The following EEPD1 variants were observed in gnomAD, a reference collection of about 807,000 sequenced individuals.
The protein encoded by EEPD1 is endonuclease/exonuclease/phosphatase family domain-containing protein 1.
EEPD1 carries 17 observed loss-of-function variants against 46.3 expected under a neutral mutation model. The ratio of observed to expected loss-of-function variants is 0.37; its 90% CI spans 0.25 to 0.55. The LOEUF (loss-of-function observed/expected upper bound fraction) is 0.55. Ranked by LOEUF, EEPD1 falls within the 20% of genes least tolerant of loss-of-function variation. The pLI, the probability that EEPD1 is intolerant of heterozygous loss-of-function variation, is 0.83. For synonymous variants in EEPD1, 313 were observed against 315.6 expected, an observed-to-expected ratio of 0.99 and a Z score of 0.09; for missense variants, 673 against 745.6, an observed-to-expected ratio of 0.90 and a Z score of 1.13.
At chr7:36,239,269 T>C (rs573657374) in intron 3 of EEPD1, among the ~76,000 whole-genome samples, 1 of 152,204 alleles carries the variant, frequency 6.6e-6, no homozygotes, top group Admixed American at 6.5e-5. Context: ...GTGTGCAGGT[T>C]GTGTGAAAGG....
intron 2 of EEPD1, among the ~76,000 whole-genome samples, chr7:36,164,827 T>A (rs182835037): frequency 8.9e-4 from 136 of 152,336 alleles, no homozygotes; most frequent in African/African-American, 3.2e-3. Flanking sequence ...ATAATGTGTG[T>A]GTGTCTTAGT....
At chr7:36,203,579 G>C (rs775546251) in intron 2 of EEPD1, among the ~76,000 whole-genome samples, 10 of 152,186 alleles carry the variant, frequency 6.6e-5, no homozygotes, top group African/African-American at 1.9e-4. Flanking sequence ...ATTTTTAAAG[G>C]CTGCCTTGTG....
chr7:36,265,736 G>A (rs577225881), intron 3 of EEPD1, among the ~76,000 whole-genome samples: 1 of 152,096 alleles, frequency 6.6e-6, no homozygotes, highest in Non-Finnish European at 1.5e-5. Flanking sequence ...TCTCTCTCCT[G>A]TGTCTGTCTA....
chr7:36,293,916 A>T (rs1257358459), intron 6 of EEPD1, among the ~76,000 whole-genome samples: 1 of 152,086 alleles, frequency 6.6e-6, no homozygotes, highest in South Asian at 2.1e-4. Flanking sequence ...GTGAGCCGAG[A>T]TCGTGCCACT....
intron 2 of EEPD1, among the ~76,000 whole-genome samples, chr7:36,156,453 A>C (rs988319688): frequency 6.6e-6 from 1 of 152,134 alleles, no homozygotes; most frequent in Non-Finnish European, 1.5e-5. Flanking sequence ...TGCACAGGTG[A>C]GAGCTGTACT....
chr7:36,252,407 C>A (rs1372903991), intron 3 of EEPD1, among the ~76,000 whole-genome samples: 1 of 152,128 alleles, frequency 6.6e-6, no homozygotes, highest in Non-Finnish European at 1.5e-5. Flanking sequence ...GCTGGCCTGT[C>A]ATGGTGGCTT....
intron 3 of EEPD1, among the ~76,000 whole-genome samples, chr7:36,241,069 T>C (rs781090349): frequency 6.6e-6 from 1 of 152,216 alleles, no homozygotes; most frequent in African/African-American, 2.4e-5. Context: ...TCCTTCTGTG[T>C]AAAGGGGTAT....
At chr7:36,242,734 C>T (rs1402528359) in intron 3 of EEPD1, among the ~76,000 whole-genome samples, 3 of 146,532 alleles carry the variant, frequency 2.0e-5, no homozygotes, top group African/African-American at 7.6e-5. Flanking sequence ...ACCAGTCTGA[C>T]CAACATGGCG....
intron 2 of EEPD1, among the ~76,000 whole-genome samples, chr7:36,159,198 C>T (rs1379275698): frequency 2.0e-5 from 3 of 152,216 alleles, no homozygotes; most frequent in African/African-American, 7.2e-5. Context: ...AAGCTAATTT[C>T]AGGGATCAGC....
At chr7:36,213,560 G>A (rs1785974551) in intron 2 of EEPD1, among the ~76,000 whole-genome samples, 2 of 152,166 alleles carry the variant, frequency 1.3e-5, no homozygotes, top group East Asian at 3.8e-4. Flanking sequence ...GCCCAGGAGT[G>A]GCATAGAGGA....
intron 2 of EEPD1, among the ~76,000 whole-genome samples, chr7:36,179,477 T>C (rs1785236155): frequency 6.6e-6 from 1 of 151,902 alleles, no homozygotes; most frequent in Non-Finnish European, 1.5e-5. Context: ...TCCCAGCACT[T>C]TGGGAGGCAA....
intron 7 of EEPD1, among the ~76,000 whole-genome samples, chr7:36,298,333 AG>A (rs1787557975): frequency 1.3e-5 from 2 of 152,204 alleles, no homozygotes; most frequent in South Asian, 4.1e-4. Context: ...TGCTGAGCTC[AG>A]GGAGGAGTTG....
At chr7:36,210,731 C>T (rs529879934) in intron 2 of EEPD1, among the ~76,000 whole-genome samples, 39 of 152,298 alleles carry the variant, frequency 2.6e-4, no homozygotes, top group Non-Finnish European at 4.6e-4. Context: ...CTGCTGCCTC[C>T]GCGTAGACCT....
At chr7:36,295,876 CA>C (rs1013260354) in intron 6 of EEPD1, among the ~76,000 whole-genome samples, 1 of 151,782 alleles carries the variant, frequency 6.6e-6, no homozygotes, top group Non-Finnish European at 1.5e-5. Context: ...ACTAAAAATA[CA>C]AAAGTTAGCA....
intron 2 of EEPD1, among the ~76,000 whole-genome samples, chr7:36,218,345 T>C (rs891859046): frequency 3.3e-5 from 5 of 150,808 alleles, no homozygotes; most frequent in African/African-American, 9.8e-5. Flanking sequence ...TTAACAACAA[T>C]AATAATAAAA....
intron 3 of EEPD1, among the ~76,000 whole-genome samples, chr7:36,249,293 G>GC (rs1294335654): frequency 6.6e-6 from 1 of 152,226 alleles, no homozygotes; most frequent in East Asian, 1.9e-4. Flanking sequence ...TGAAATCAGT[G>GC]CCCCCGGCCA....
intron 3 of EEPD1, among the ~76,000 whole-genome samples, chr7:36,241,418 A>G (rs1024987482): frequency 6.6e-6 from 1 of 152,176 alleles, no homozygotes; most frequent in African/African-American, 2.4e-5. Flanking sequence ...GGTTGCAGTG[A>G]GCTGAGATTG....
chr7:36,175,936 C>T (rs1020986574), intron 2 of EEPD1, among the ~76,000 whole-genome samples: 2 of 152,218 alleles, frequency 1.3e-5, no homozygotes, highest in African/African-American at 4.8e-5. Flanking sequence ...TGCCGGGTCC[C>T]TGTGAGGTGA....
At position 36,154,331 on chromosome 7, in the gene EEPD1, A is replaced by T; in HGVS notation, c.7A>T (p.Ser3Cys). Residue 3 changes from serine (S) to cysteine (C), a missense_variant, in exon 2 of 8, where the codon AGC becomes TGC. Ser to Cys is a moderately radical substitution (Grantham distance 112). Transcript: ENST00000242108. This position sits in a 1 kb window ranked among gnomAD's most constrained non-coding sequence, Gnocchi z 4.2. MGSTLGCHRSIPR... is the reference protein window; with the variant it reads MGCTLGCHRSIPR... Reference sequence around the variant, plus strand: ...AGCCTGATCCTGGCGGACCATGGGGAGCACCCTGGGCTGCCACCGCTCCAT... The same window carrying T: ...AGCCTGATCCTGGCGGACCATGGGGTGCACCCTGGGCTGCCACCGCTCCAT... 2 of 1,607,988 alleles carry T rather than the reference A, an allele frequency of 1.2e-6. No individual in the cohort carries two copies. Among genetic ancestry groups the T allele is most frequent in the Non-Finnish European group, 1.7e-6 (2 of 1,179,124 alleles).
Sources: allele counts gnomAD v4.1 joint callset (sites outside exome capture counted in the v4.1 genomes callset), GRCh38; gene constraint gnomAD v4.1.1; non-coding constraint Gnocchi (gnomAD v3.1); transcripts MANE v1.5; gene names NCBI Gene and HGNC (gene_info 2026-07-23, HGNC 2026-07-21).